PTPN4: variants seen among roughly 807,000 people sequenced by gnomAD.
PTPN4 encodes tyrosine-protein phosphatase non-receptor type 4.
In PTPN4, 49 loss-of-function variants were observed where a neutral mutation model predicts 135.5. That is an observed-to-expected ratio of 0.36 (90% CI 0.29 to 0.46). The LOEUF (loss-of-function observed/expected upper bound fraction) is 0.46. PTPN4 is among the 20% of genes least tolerant of loss of function. The pLI is 1.00. For synonymous variants in PTPN4, 333 were observed against 369.9 expected (o/e 0.90, Z 1.14); for missense variants, 860 against 1,101.0 (o/e 0.78, Z 3.10).
At chr2:119,770,016 C>T (rs914112264) in intron 1 of PTPN4, among the ~76,000 whole-genome samples, 2 of 152,068 alleles carry the variant, frequency 1.3e-5, no homozygotes, top group African/African-American at 2.4e-5. Flanking sequence ...TGTATATAGA[C>T]GAGTCACTAG....
intron 25 of PTPN4, 22 bp downstream of exon 25, chr2:119,965,667 A>T: frequency 6.2e-7 from 1 of 1,607,582 alleles, no homozygotes; most frequent in Non-Finnish European, 8.5e-7. Context: ...TCCGTCTTTT[A>T]TGAGTGTATA....
At chr2:119,862,714 G>T in intron 3 of PTPN4, 71 bp downstream of exon 3, 2 of 1,249,002 alleles carry the variant, frequency 1.6e-6, no homozygotes, top group Non-Finnish European at 1.1e-6. Context: ...AGTCCTTTCT[G>T]ATTTACAGTG....
intron 9 of PTPN4, among the ~76,000 whole-genome samples, chr2:119,897,006 C>T (rs908785008): frequency 1.3e-5 from 2 of 152,124 alleles, no homozygotes; most frequent in Admixed American, 6.5e-5. Context: ...CTGCAACCTT[C>T]GCCTCCTGGG....
At chr2:119,915,525 T>A (rs72838992) in intron 11 of PTPN4, 5,261 of 210,446 alleles carry the variant, frequency 0.025, 98 homozygotes, top group Non-Finnish European at 0.033. Flanking sequence ...GGGTCCATTT[T>A]TGAAGGGCAG....
intron 14 of PTPN4, 25 bp downstream of exon 14, chr2:119,932,574 A>T: frequency 6.4e-7 from 1 of 1,572,360 alleles, no homozygotes; most frequent in Non-Finnish European, 8.6e-7. Context: ...TGTGACCAAC[A>T]TCAGGTGTGA....
intron 13 of PTPN4, among the ~76,000 whole-genome samples, chr2:119,929,764 T>G (rs1160095046): frequency 6.6e-6 from 1 of 152,144 alleles, no homozygotes; most frequent in African/African-American, 2.4e-5. Flanking sequence ...AGTTTGGTTT[T>G]AAGTTCAAAG....
In PTPN4 at chr2:119,778,983, A is replaced by C. The variant is rs75449040; in HGVS notation, c.-18+18599A>C. On this transcript the variant is annotated intron_variant, in intron 1 of 26. Coordinates refer to ENST00000263708, the MANE Select transcript of PTPN4 (RefSeq NM_002830.4). ...TTTAAGTTGTTGCATAATGACTTCT[A>C]TATAAATGTGTTTGGTATGTGTAAG... Among the ~76,000 whole-genome samples the C allele has an allele frequency of 9.0e-3, 1,375 of 152,326 alleles. 17 individuals carry two copies. Among genetic ancestry groups the C allele is most frequent in the Middle Eastern group, 0.021 (6 of 292 alleles).
At chr2:119,914,389 C>T (rs1678621063) in intron 10 of PTPN4, among the ~76,000 whole-genome samples, 1 of 150,912 alleles carries the variant, frequency 6.6e-6, no homozygotes, top group African/African-American at 2.4e-5. Context: ...CTAAACATGT[C>T]TCTTCTTCCC....
At chr2:119,841,182 A>C (rs915335504) in intron 2 of PTPN4, among the ~76,000 whole-genome samples, 13 of 152,168 alleles carry the variant, frequency 8.5e-5, no homozygotes, top group African/African-American at 3.1e-4. Flanking sequence ...ATAATTTTAA[A>C]AATTATTTTG....
chr2:119,914,828 A>G (rs1443487296), intron 10 of PTPN4, among the ~76,000 whole-genome samples: 1 of 152,188 alleles, frequency 6.6e-6, no homozygotes, highest in East Asian at 1.9e-4. Context: ...TTTTAAAATT[A>G]AAAGTGTTTT....
intron 2 of PTPN4, among the ~76,000 whole-genome samples, chr2:119,845,235 AGAGGGAGAGGGGGAGGGGGAGGGG>A (rs1558742949): frequency 2.2e-5 from 1 of 46,488 alleles, no homozygotes; most frequent in Non-Finnish European, 4.1e-5. Flanking sequence ...GACCGTGGGG[AGAGGGAGAGGGGGAGGGGGAGGGG>A]GAGGGGGAGG....
intron 2 of PTPN4, among the ~76,000 whole-genome samples, chr2:119,831,781 G>GT (rs891422541): frequency 1.3e-5 from 2 of 152,130 alleles, no homozygotes; most frequent in Non-Finnish European, 2.9e-5. Flanking sequence ...TCTGGGTCAT[G>GT]TTTTTTATAT....
At chr2:119,760,499 A>C in intron 1 of PTPN4, 115 bp downstream of exon 1, 1 of 387,606 alleles carries the variant, frequency 2.6e-6, no homozygotes, top group Non-Finnish European at 4.6e-6. Flanking sequence ...CGGAGGTACG[A>C]GGATGATTTG....
At chr2:119,856,382 T>C (rs1677681564) in intron 2 of PTPN4, among the ~76,000 whole-genome samples, 1 of 152,186 alleles carries the variant, frequency 6.6e-6, no homozygotes, top group South Asian at 2.1e-4. Context: ...TTTACCAGCC[T>C]GAGGGTGTGA....
intron 15 of PTPN4, among the ~76,000 whole-genome samples, chr2:119,938,303 G>C (rs1679014752): frequency 6.6e-6 from 1 of 151,372 alleles, no homozygotes; most frequent in Non-Finnish European, 1.5e-5. Flanking sequence ...AATTTTTTGT[G>C]TTTTTAGTAG....
chr2:119,857,321 A>T (rs1001956694), intron 2 of PTPN4, among the ~76,000 whole-genome samples: 1 of 152,144 alleles, frequency 6.6e-6, no homozygotes, highest in Non-Finnish European at 1.5e-5. Context: ...GCCTGAGGTC[A>T]GGAGTTCCAG....
At chr2:119,835,731 G>A (rs1251186838) in intron 2 of PTPN4, among the ~76,000 whole-genome samples, 1 of 151,960 alleles carries the variant, frequency 6.6e-6, no homozygotes, top group East Asian at 1.9e-4. Flanking sequence ...TTCTTATATG[G>A]AAAATAGTCC....
At chr2:119,763,633 T>C (rs1249138941) in intron 1 of PTPN4, among the ~76,000 whole-genome samples, 1 of 152,226 alleles carries the variant, frequency 6.6e-6, no homozygotes, top group Admixed American at 6.5e-5. Flanking sequence ...TCTGCAATGA[T>C]GGAAATATTC....
At chr2:119,835,848 T>C (rs1188079338) in intron 2 of PTPN4, among the ~76,000 whole-genome samples, 1 of 152,046 alleles carries the variant, frequency 6.6e-6, no homozygotes, top group Non-Finnish European at 1.5e-5. Context: ...GGCGGGTGGA[T>C]CACGAGGTCA....
Sources: gnomAD v4.1 joint callset for allele counts (sites outside exome capture counted in the v4.1 genomes callset) on GRCh38, gnomAD v4.1.1 for gene constraint, MANE v1.5 for transcripts, NCBI Gene and HGNC (gene_info 2026-07-23, HGNC 2026-07-21) for gene names.